LTBP1: variants seen among roughly 807,000 people sequenced by gnomAD.
LTBP1 encodes latent-transforming growth factor beta-binding protein 1.
A neutral mutation model predicts 207.6 loss-of-function variants in LTBP1; 129 were observed. That is an observed-to-expected ratio of 0.62 (90% CI 0.54 to 0.72). LTBP1 has a LOEUF of 0.72. Ranked by LOEUF, LTBP1 falls within the 30% of genes least tolerant of loss-of-function variation. The pLI is 0.00. For missense variants in LTBP1, 2,281 were observed against 2,217.2 expected (o/e 1.03, Z -0.58); for synonymous variants, 963 against 833.7 (o/e 1.16, Z -2.67).
chr2:33,276,883 T>G (rs1192597349), intron 18 of LTBP1, among the ~76,000 whole-genome samples: 1 of 152,174 alleles, frequency 6.6e-6, no homozygotes, highest in Non-Finnish European at 1.5e-5. Flanking sequence ...CAAAACACTA[T>G]GGCACTTTTT....
chr2:33,087,959 A>G (rs752391705), intron 3 of LTBP1, among the ~76,000 whole-genome samples: 1 of 152,226 alleles, frequency 6.6e-6, no homozygotes, highest in Non-Finnish European at 1.5e-5. Flanking sequence ...TACACAGGAA[A>G]AAATTCTATT....
intron 3 of LTBP1, among the ~76,000 whole-genome samples, chr2:33,100,476 C>CTT (rs1007676476): frequency 6.9e-6 from 1 of 145,946 alleles, no homozygotes; most frequent in African/African-American, 2.5e-5. Context: ...TGGTACCTGA[C>CTT]TTTTTTTTTT....
At position 32,947,412 on chromosome 2, in the gene LTBP1, T is replaced by C. The variant is rs1044038808; in HGVS notation, c.88T>C (p.Tyr30His). 3.5e-5 allele frequency: 50 copies of C among 1,432,722 alleles called. No individual in the cohort carries two copies. The highest frequency in any genetic ancestry group is 4.3e-5 in the Non-Finnish European group (47 of 1,094,710). 88.8% of individuals were successfully genotyped at this position (1,432,722 alleles called of 1,614,324 possible). The change falls in exon 1 of 34, where the codon TAC (tyrosine) becomes CAC (histidine). Residue 30 changes from tyrosine to histidine, a missense_variant. Coordinates refer to ENST00000404816, the MANE Select transcript of LTBP1 (RefSeq NM_206943.4). ...SAHGRLRRITYVVHPGPGLAA... is the reference protein window; with the variant it reads ...SAHGRLRRITHVVHPGPGLAA... ...GCACGGCCGGCTGCGGAGGATCACC[T>C]ACGTGGTGCACCCGGGCCCCGGCCT...
intron 10 of LTBP1, among the ~76,000 whole-genome samples, chr2:33,250,755 G>C (rs74521511): frequency 6.6e-6 from 1 of 151,894 alleles, no homozygotes; most frequent in African/African-American, 2.4e-5. Context: ...GTCTTAAGCA[G>C]GTACCACCAC....
chr2:33,098,995 T>G (rs2079553415), intron 3 of LTBP1, among the ~76,000 whole-genome samples: 1 of 152,188 alleles, frequency 6.6e-6, no homozygotes, highest in African/African-American at 2.4e-5. Context: ...GATTTACTTG[T>G]TCAGATTTTG....
intron 5 of LTBP1, among the ~76,000 whole-genome samples, chr2:33,146,187 C>G (rs2083021716): frequency 1.3e-5 from 2 of 152,208 alleles, no homozygotes; most frequent in African/African-American, 4.8e-5. Context: ...GAAATTTGAT[C>G]TGCTGCAGTG....
intron 7 of LTBP1, among the ~76,000 whole-genome samples, chr2:33,200,296 G>C (rs1411418858): frequency 6.6e-6 from 1 of 152,158 alleles, no homozygotes; most frequent in African/African-American, 2.4e-5. Context: ...CAATGCAACA[G>C]AACAGAGCCC....
At chr2:33,030,959 AC>A (rs1350487865) in intron 3 of LTBP1, among the ~76,000 whole-genome samples, 9 of 152,100 alleles carry the variant, frequency 5.9e-5, no homozygotes, top group Non-Finnish European at 8.8e-5. Context: ...ACATCTTCAC[AC>A]CCTTTTCTGT....
At chr2:33,357,211 G>A (rs1232588605) in intron 26 of LTBP1, among the ~76,000 whole-genome samples, 2 of 152,146 alleles carry the variant, frequency 1.3e-5, no homozygotes, top group Admixed American at 6.5e-5. Context: ...TTAGGCTGAT[G>A]AACCAAGAGA....
intron 11 of LTBP1, among the ~76,000 whole-genome samples, chr2:33,254,110 C>G (rs1458327649): frequency 1.3e-5 from 2 of 151,692 alleles, no homozygotes; most frequent in African/African-American, 4.8e-5. Context: ...ACTTGATCTC[C>G]TGACCTCGTG....
rs71407500 is a variant in LTBP1 at position 33,103,586 on chromosome 2, C to CGTGTGTGTGT, written c.864-6964_864-6955dup. 7.6e-3 allele frequency among the ~76,000 whole-genome samples: 896 copies of CGTGTGTGTGT among 118,200 alleles called. 11 individuals are homozygous for CGTGTGTGTGT. The highest frequency in any genetic ancestry group is 0.011 in the African/African-American group (368 of 33,454). The allele number at this position is 118,200 out of a possible 152,430, so 77.5% of individuals were successfully genotyped here. A position where few individuals can be genotyped will look rare whatever the true frequency, so the allele number is the denominator to read the frequency against. On this transcript the variant is annotated intron_variant, in intron 3 of 33. Coordinates refer to ENST00000404816, the MANE Select transcript of LTBP1 (RefSeq NM_206943.4). The stretch of plus-strand genomic sequence containing the variant: ...GACCATAAATCCTTGTCTCCGTTTA[C>CGTGTGTGTGT]GTGTGTGTGTGTGTGTGTGTGTGTG...
chr2:33,218,101 A>G (rs946193746), intron 8 of LTBP1, among the ~76,000 whole-genome samples: 3 of 152,216 alleles, frequency 2.0e-5, no homozygotes, highest in South Asian at 2.1e-4. Flanking sequence ...TTCAAATTTC[A>G]TTAAAAGGAA....
intron 7 of LTBP1, among the ~76,000 whole-genome samples, chr2:33,194,524 A>C (rs1573096964): frequency 6.6e-6 from 1 of 152,226 alleles, no homozygotes; most frequent in South Asian, 2.1e-4. Context: ...ACCAGCCACA[A>C]CATTCTCTTC....
At chr2:33,114,103 A>G (rs769026315) in intron 4 of LTBP1, among the ~76,000 whole-genome samples, 1 of 152,228 alleles carries the variant, frequency 6.6e-6, no homozygotes, top group Non-Finnish European at 1.5e-5. Context: ...TGGCCTTGCC[A>G]AGTGCTGGGA....
chr2:33,289,426 C>T (rs1440138182), intron 19 of LTBP1, among the ~76,000 whole-genome samples: 2 of 152,128 alleles, frequency 1.3e-5, no homozygotes, highest in East Asian at 1.9e-4. Flanking sequence ...ACAGCATGAT[C>T]ACAGCTCACT....
chr2:33,065,978 T>C (rs974977890), intron 3 of LTBP1, among the ~76,000 whole-genome samples: 2 of 152,186 alleles, frequency 1.3e-5, no homozygotes, highest in African/African-American at 4.8e-5. Flanking sequence ...TAAATAGTAG[T>C]AGTTTATGGC....
At chr2:33,284,452 G>C (rs1184728604) in intron 19 of LTBP1, among the ~76,000 whole-genome samples, 1 of 152,096 alleles carries the variant, frequency 6.6e-6, no homozygotes, top group Non-Finnish European at 1.5e-5. Context: ...TTCTTCTCTA[G>C]AGAGTCACGT....
At chr2:33,315,320 G>T (rs1010146279) in intron 24 of LTBP1, 51 bp downstream of exon 24, 5 of 1,603,306 alleles carry the variant, frequency 3.1e-6, no homozygotes, top group Non-Finnish European at 4.2e-6. Flanking sequence ...AGAGAGAGGA[G>T]ATTGCTTTCA....
chr2:33,327,744 C>T (rs2094445339), intron 24 of LTBP1, among the ~76,000 whole-genome samples: 1 of 151,994 alleles, frequency 6.6e-6, no homozygotes, highest in Admixed American at 6.6e-5. Context: ...AATAGAAAAG[C>T]AAAGTTAGCT....
Sources: allele counts gnomAD v4.1 joint callset (sites outside exome capture counted in the v4.1 genomes callset), GRCh38; gene constraint gnomAD v4.1.1; transcripts MANE v1.5; gene names NCBI Gene and HGNC (gene_info 2026-07-23, HGNC 2026-07-21).